The following TAMM41 variants were observed in gnomAD, a reference collection of about 807,000 sequenced individuals.
The protein encoded by TAMM41 is TAM41 mitochondrial translocator assembly and maintenance homolog.
Under a neutral mutation model 44.1 loss-of-function variants are expected in TAMM41, and 36 were observed. The ratio of observed to expected loss-of-function variants is 0.82; its 90% confidence interval spans 0.63 to 1.08. TAMM41 has a LOEUF of 1.08. Ranked by LOEUF, TAMM41 falls within the 50% of genes least tolerant of loss-of-function variation. TAMM41 has a pLI of 0.00. For synonymous variants in TAMM41, 164 were observed against 153.1 expected (o/e 1.07, Z -0.53); for missense variants, 417 against 404.3 (o/e 1.03, Z -0.27).
At chr3:11,839,991 C>T (rs1025131990) in intron 2 of TAMM41, among the ~76,000 whole-genome samples, 2 of 152,192 alleles carry the variant, frequency 1.3e-5, no homozygotes, top group East Asian at 1.9e-4. Flanking sequence ...CACCCAGAAC[C>T]ATGACTCAAC....
intron 7 of TAMM41, among the ~76,000 whole-genome samples, chr3:11,793,441 A>G (rs2077533568): frequency 6.6e-6 from 1 of 152,224 alleles, no homozygotes; most frequent in African/African-American, 2.4e-5. Flanking sequence ...AGTTTCTACT[A>G]AAGCTGAACA....
chr3:11,759,986 A>AG, the TAMM41 span, among the ~76,000 whole-genome samples: 8 of 151,840 alleles, frequency 5.3e-5, no homozygotes, highest in East Asian at 1.5e-3. Context: ...AAAAAAAAGA[A>AG]AAAAGAAGAA....
chr3:11,798,294 T>C lies in TAMM41; in HGVS notation c.938-7713A>G, dbSNP rs558800493. On this transcript the variant is annotated intron_variant, in intron 7 of 7. Coordinates refer to ENST00000455809, the MANE Select transcript of TAMM41 (RefSeq NM_001284401.2). ...CTGCATAAAGAAAACGTGGTACATA[T>C]ACACCATGGAATACTATGCAGCCAT... Among the ~76,000 whole-genome samples the C allele has an allele frequency of 3.9e-5, 6 of 152,300 alleles. 1 individual carries two copies. Among genetic ancestry groups the C allele is most frequent in the South Asian group, 2.1e-4 (1 of 4,816 alleles).
the TAMM41 span, among the ~76,000 whole-genome samples, chr3:11,727,068 A>G: frequency 1.3e-5 from 2 of 152,236 alleles, no homozygotes; most frequent in Non-Finnish European, 2.9e-5. Flanking sequence ...AGCACTCACT[A>G]TGTTTCAGGC....
the TAMM41 span, among the ~76,000 whole-genome samples, chr3:11,763,123 G>T: frequency 6.6e-6 from 1 of 152,076 alleles, no homozygotes; most frequent in Non-Finnish European, 1.5e-5. Context: ...TTGCCAATTG[G>T]AAATCCTAAA....
chr3:11,840,040 C>T (rs2079363389), intron 2 of TAMM41, among the ~76,000 whole-genome samples: 1 of 151,960 alleles, frequency 6.6e-6, no homozygotes, highest in African/African-American at 2.4e-5. Flanking sequence ...AGCAAAAGGC[C>T]CACTCAGCCC....
At chr3:11,806,568 T>TA (rs1398847644) in intron 7 of TAMM41, among the ~76,000 whole-genome samples, 1 of 151,406 alleles carries the variant, frequency 6.6e-6, no homozygotes, top group Non-Finnish European at 1.5e-5. Flanking sequence ...GAAAAACAGA[T>TA]AAAAAATAGA....
chr3:11,784,800 T>TC, the TAMM41 span, among the ~76,000 whole-genome samples: 144 of 129,616 alleles, frequency 1.1e-3, no homozygotes, highest in African/African-American at 3.5e-3. Flanking sequence ...TCTTTTCTTT[T>TC]TTTTTTTTTT....
chr3:11,743,865 T>G, the TAMM41 span, among the ~76,000 whole-genome samples: 2 of 152,122 alleles, frequency 1.3e-5, no homozygotes, highest in Non-Finnish European at 2.9e-5. Context: ...CTCATGGAAC[T>G]GCAGACCTAG....
the TAMM41 span, among the ~76,000 whole-genome samples, chr3:11,754,087 A>G: frequency 1.3e-5 from 2 of 152,128 alleles, no homozygotes; most frequent in African/African-American, 4.8e-5. Context: ...ACCTGCAGGA[A>G]TCTTGGTTAC....
chr3:11,738,343 C>A, the TAMM41 span, among the ~76,000 whole-genome samples: 7 of 152,188 alleles, frequency 4.6e-5, no homozygotes, highest in African/African-American at 1.7e-4. Context: ...TATCTCTGAG[C>A]CTTAATTTTC....
chr3:11,752,786 C>A, the TAMM41 span, among the ~76,000 whole-genome samples: 3 of 151,750 alleles, frequency 2.0e-5, no homozygotes, highest in African/African-American at 7.3e-5. Context: ...ACTACAGGTG[C>A]TATAGGCGCA....
At chr3:11,778,225 G>GT in the TAMM41 span, among the ~76,000 whole-genome samples, 239 of 151,112 alleles carry the variant, frequency 1.6e-3, 2 homozygotes, top group African/African-American at 4.8e-3. Context: ...AGAACTCTAT[G>GT]TTTTTTTTTC....
intron 3 of TAMM41, among the ~76,000 whole-genome samples, chr3:11,838,445 T>C (rs1323560826): frequency 6.6e-6 from 1 of 152,160 alleles, no homozygotes; most frequent in African/African-American, 2.4e-5. Context: ...CTTGAACTCC[T>C]GACCTCAAAT....
chr3:11,810,479 C>A (rs2078052978), intron 5 of TAMM41, among the ~76,000 whole-genome samples: 1 of 152,208 alleles, frequency 6.6e-6, no homozygotes, highest in Non-Finnish European at 1.5e-5. Flanking sequence ...GTTTCATACA[C>A]TGTGCCTCGT....
At chr3:11,753,510 G>T in the TAMM41 span, among the ~76,000 whole-genome samples, 1 of 151,882 alleles carries the variant, frequency 6.6e-6, no homozygotes, top group African/African-American at 2.4e-5. Context: ...GGATCACAAG[G>T]TCAGGAGATT....
At chr3:11,798,495 C>A (rs1180936334) in intron 7 of TAMM41, among the ~76,000 whole-genome samples, 3 of 152,166 alleles carry the variant, frequency 2.0e-5, no homozygotes, top group Admixed American at 1.3e-4. Flanking sequence ...CTGGGGCATA[C>A]TGATGGGTGA....
chr3:11,728,779 C>T, the TAMM41 span, among the ~76,000 whole-genome samples: 5 of 152,072 alleles, frequency 3.3e-5, no homozygotes, highest in Admixed American at 6.6e-5. Context: ...GAGGCCGAGG[C>T]GGGCGGATCA....
At chr3:11,778,124 G>T in the TAMM41 span, among the ~76,000 whole-genome samples, 5 of 151,928 alleles carry the variant, frequency 3.3e-5, no homozygotes, top group African/African-American at 1.2e-4. Flanking sequence ...TTTATTGTCG[G>T]TTAACAGTCC....
Sources: allele counts gnomAD v4.1 joint callset (sites outside exome capture counted in the v4.1 genomes callset), GRCh38; gene constraint gnomAD v4.1.1; transcripts MANE v1.5; gene names NCBI Gene and HGNC (gene_info 2026-07-23, HGNC 2026-07-21).